Variants in IGFBPL1 observed in about 807,000 individuals in gnomAD.
IGFBPL1 encodes the protein insulin like growth factor binding protein like 1, also known as insulin-like growth factor-binding protein-like 1.
Under a neutral mutation model 23.9 loss-of-function variants are expected in IGFBPL1, and 20 were observed. The ratio of observed to expected loss-of-function variants is 0.84; its 90% CI spans 0.59 to 1.22. IGFBPL1 has a LOEUF of 1.22. IGFBPL1 is among the 50% of genes most tolerant of loss of function. The pLI, the probability that IGFBPL1 is intolerant of heterozygous loss-of-function variation, is 0.00. For synonymous variants in IGFBPL1, 184 were observed against 171.8 expected, an observed-to-expected ratio of 1.07 and a Z score of -0.56; for missense variants, 436 against 379.3, an observed-to-expected ratio of 1.15 and a Z score of -1.24.
rs185417506 is a variant in IGFBPL1 at position 38,411,461 on chromosome 9, G to A, written c.776C>T (p.Thr259Met). The A allele has an allele frequency of 2.4e-5, 39 of 1,614,034 alleles. No homozygotes were observed. The East Asian group carries it at 6.5e-4, about 27-fold the overall frequency. ...VGEAESHSTV[T>M]VLDLSKYRSF... The stretch of plus-strand genomic sequence containing the variant: ...CCTGTATTTACTCAGATCTAGAACC[G>A]TCACTGTGCTGTGGGACTCAGCCTC... Residue 259 changes from threonine (T) to methionine (M), a missense_variant, in exon 4 of 5, where the codon ACG becomes ATG. Coordinates refer to ENST00000377694, the MANE Select transcript of IGFBPL1 (RefSeq NM_001007563.3).
intron 1 of IGFBPL1, among the ~76,000 whole-genome samples, chr9:38,420,492 C>A (rs1273760537): frequency 1.3e-5 from 2 of 152,222 alleles, no homozygotes; most frequent in Admixed American, 6.5e-5. Context: ...GTGCACAGCA[C>A]CTTACTGATC....
chr9:38,411,488 C>T lies in IGFBPL1; in HGVS notation c.749G>A (p.Gly250Glu), dbSNP rs1384507876. Residue 250 changes from glycine (G) to glutamate (E), a missense_variant, in exon 4 of 5, where the codon GGA (glycine) becomes GAA (glutamate). By Grantham distance (98) the Gly-to-Glu change is moderately conservative. Transcript: ENST00000377694. Reference protein sequence around the residue: ...VYQCHAANMVGEAESHSTVTV... With the variant: ...VYQCHAANMVEEAESHSTVTV... ...CACTGTGCTGTGGGACTCAGCCTCT[C>T]CCACCATGTTGGCTGCATGGCACTG... 6.2e-6 allele frequency: 10 copies of T among 1,613,802 alleles called. No individual in the cohort carries two copies. Among genetic ancestry groups the T allele is most frequent in the African/African-American group, 1.3e-5 (1 of 74,900 alleles).
chr9:38,414,064 C>CACACAA, intron 2 of IGFBPL1, 30 bp downstream of exon 2: 1 of 1,249,302 alleles, frequency 8.0e-7, no homozygotes, highest in Non-Finnish European at 1.2e-6. Context: ...CACACACACA[C>CACACAA]GAGATGCATG....
chr9:38,416,198 C>T lies in IGFBPL1; in HGVS notation c.461-1995G>A, dbSNP rs60438348. The stretch of plus-strand genomic sequence containing the variant: ...TCGCTGTGGTGACAGTCAGAAAGAC[C>T]TGGATACCAAGGGGACTCTCAATCA... On this transcript the variant is annotated intron_variant, in intron 1 of 4. Transcript: ENST00000377694. 9.0e-3 allele frequency among the ~76,000 whole-genome samples: 1,371 copies of T among 152,304 alleles called. 23 individuals are homozygous for T. Among genetic ancestry groups the T allele is most frequent in the African/African-American group, 0.032 (1,315 of 41,564 alleles).
chr9:38,423,924 T>C, intron 1 of IGFBPL1, 41 bp downstream of exon 1: 5 of 1,325,664 alleles, frequency 3.8e-6, no homozygotes, highest in Non-Finnish European at 4.8e-6. Flanking sequence ...AGGGTTGGAA[T>C]CCCTCCTTCT....
At chr9:38,412,190 A>C (rs140878390) in intron 3 of IGFBPL1, among the ~76,000 whole-genome samples, 1 of 152,302 alleles carries the variant, frequency 6.6e-6, no homozygotes, top group East Asian at 1.9e-4. Flanking sequence ...GCTTCCATCA[A>C]TTACAAATCA....
At position 38,424,380 on chromosome 9, in the gene IGFBPL1, CAGCAGCAGA is replaced by C. The variant is rs1482714960; in HGVS notation, c.36_44del (p.Leu14_Leu16del). ...GGGACAGCGGCGGCAGCAGCGGCAGCAGCAGCAGAAGCAGCAGCGGCAAGAGCAGAGACA... is the reference window on the plus strand; with the variant it reads ...GGGACAGCGGCGGCAGCAGCGGCAGCAGCAGCAGCGGCAAGAGCAGAGACA... On this transcript the variant is annotated inframe_deletion, in exon 1 of 5. Coordinates refer to ENST00000377694, the MANE Select transcript of IGFBPL1 (RefSeq NM_001007563.3). 1 of 680,450 alleles carries C rather than the reference CAGCAGCAGA, an allele frequency of 1.5e-6. No individual in the cohort carries two copies. Among genetic ancestry groups the C allele is most frequent in the Admixed American group, 2.6e-5 (1 of 38,112 alleles). 42.2% of individuals were successfully genotyped at this position (680,450 alleles called of 1,614,324 possible).
chr9:38,410,309 C>T (rs577852976), intron 4 of IGFBPL1, among the ~76,000 whole-genome samples: 52 of 151,730 alleles, frequency 3.4e-4, no homozygotes, highest in South Asian at 1.0e-3. Flanking sequence ...GGTGAAACCC[C>T]GTCTCTACTA....
chr9:38,410,123 T>C (rs1309883628), intron 4 of IGFBPL1, among the ~76,000 whole-genome samples: 1 of 152,190 alleles, frequency 6.6e-6, no homozygotes, highest in Non-Finnish European at 1.5e-5. Flanking sequence ...TTTCCTGTTC[T>C]ATTAAGCACC....
intron 1 of IGFBPL1, 118 bp downstream of exon 1, chr9:38,423,847 G>C: frequency 1.0e-6 from 1 of 1,003,038 alleles, no homozygotes; most frequent in Non-Finnish European, 1.3e-6. Context: ...TGCTCCCTAA[G>C]GGGAAACTGA....
rs961005905 is a variant in IGFBPL1, at chr9:38,408,059, T to C, written c.*1168A>G. Among the ~76,000 whole-genome samples, 1 of 151,990 alleles carries C rather than the reference T, an allele frequency of 6.6e-6. No homozygotes were observed. Among genetic ancestry groups the C allele is most frequent in the Non-Finnish European group, 1.5e-5 (1 of 67,974 alleles). ...CAGTCTGGAGATAACACCTGACCCC[T>C]TTTTTTACAATTTGATCGTCAGAAG... On this transcript the variant is annotated 3_prime_UTR_variant, in exon 5 of 5. Coordinates refer to ENST00000377694, the MANE Select transcript of IGFBPL1 (RefSeq NM_001007563.3).
chr9:38,411,828 T>C (rs956891830), intron 3 of IGFBPL1, among the ~76,000 whole-genome samples: 2 of 152,108 alleles, frequency 1.3e-5, no homozygotes, highest in African/African-American at 4.8e-5. Flanking sequence ...GTATTAAAGG[T>C]GCAAGGTATA....
chr9:38,406,802 T>G lies in IGFBPL1; in HGVS notation c.*2425A>C, dbSNP rs1006170419. On this transcript the variant is annotated 3_prime_UTR_variant, in exon 5 of 5. Transcript: ENST00000377694. The stretch of plus-strand genomic sequence containing the variant: ...ACAGTGTGACATTAATTATTTGTCT[T>G]TGCACAGAATGATGATGCTAAAGCC... 1.5e-5 allele frequency among the ~76,000 whole-genome samples: 2 copies of G among 137,582 alleles called. No individual in the cohort carries two copies. Among genetic ancestry groups the G allele is most frequent in the African/African-American group, 5.4e-5 (2 of 37,276 alleles). The allele number at this position is 137,582 out of a possible 152,430, so 90.3% of individuals were successfully genotyped here. A position where few individuals can be genotyped will look rare whatever the true frequency, so the allele number is the denominator to read the frequency against.
chr9:38,415,661 T>C (rs1821590789), intron 1 of IGFBPL1, among the ~76,000 whole-genome samples: 1 of 152,222 alleles, frequency 6.6e-6, no homozygotes, highest in Non-Finnish European at 1.5e-5. Flanking sequence ...TCCATTTGCA[T>C]GCCTTCAGGG....
rs1363988720 is a variant in IGFBPL1 at position 38,408,648 on chromosome 9, A to G, written c.*579T>C. Among the ~76,000 whole-genome samples the G allele has an allele frequency of 6.6e-6, 1 of 152,200 alleles. No individual in the cohort carries two copies. The stretch of plus-strand genomic sequence containing the variant: ...GAGGGAATACCATTTTAGAAAGAAC[A>G]CTAAGACCACACTTCCTGTTATTTT... On this transcript the variant is annotated 3_prime_UTR_variant, in exon 5 of 5. Transcript: ENST00000377694.
chr9:38,413,269 G>C lies in IGFBPL1; in HGVS notation c.655C>G (p.Pro219Ala), dbSNP rs1821541705. 5 of 1,613,602 alleles carry C rather than the reference G, an allele frequency of 3.1e-6. No homozygotes were observed. Among genetic ancestry groups the C allele is most frequent in the Non-Finnish European group, 4.2e-6 (5 of 1,179,722 alleles). Reference protein sequence around the residue: ...VNIAVQVRGGPSDHEATAWIL... With the variant: ...VNIAVQVRGGASDHEATAWIL... ...CAGGCCGTGGCCTCATGGTCAGAAG[G>C]GCCCCCTCGCACTTGGACAGCTATA... Residue 219 changes from proline to alanine, a missense_variant, in exon 3 of 5, where the codon CCT (proline) becomes GCT (alanine). By Grantham distance (27) the Pro-to-Ala change is conservative (BLOSUM62 -1). Coordinates refer to ENST00000377694, the MANE Select transcript of IGFBPL1 (RefSeq NM_001007563.3).
chr9:38,421,284 CAAAA>C (rs35342818), intron 1 of IGFBPL1, among the ~76,000 whole-genome samples: 5 of 91,544 alleles, frequency 5.5e-5, no homozygotes, highest in African/African-American at 1.3e-4. Context: ...GACCCTGTCT[CAAAA>C]AAAAAAAAAA....
At position 38,424,366 on chromosome 9, in the gene IGFBPL1, GGCAGCAGCGGCA is replaced by G. The variant is rs1479205993; in HGVS notation, c.47_58del (p.Leu16_Leu19del). On this transcript the variant is annotated inframe_deletion, in exon 1 of 5. Transcript: ENST00000377694. ...GATCCCAAGGCTCGGGGACAGCGGC[GGCAGCAGCGGCA>G]GCAGCAGCAGAAGCAGCAGCGGCAA... 8 of 683,606 alleles carry G rather than the reference GGCAGCAGCGGCA, an allele frequency of 1.2e-5. No individual in the cohort carries two copies. Among genetic ancestry groups the G allele is most frequent in the African/African-American group, 3.8e-5 (2 of 53,212 alleles). The allele number at this position is 683,606 out of a possible 1,614,324, so 42.3% of individuals were successfully genotyped here. A position where few individuals can be genotyped will look rare whatever the true frequency, so the allele number is the denominator to read the frequency against.
chr9:38,412,783 C>G (rs117709740), intron 3 of IGFBPL1, among the ~76,000 whole-genome samples: 3,063 of 152,272 alleles, frequency 0.02, 32 homozygotes, highest in Non-Finnish European at 0.031. Flanking sequence ...GTGGCCCTTT[C>G]CAACATCATC....
Sources: gnomAD v4.1 joint callset for allele counts (sites outside exome capture counted in the v4.1 genomes callset) on GRCh38, gnomAD v4.1.1 for gene constraint, MANE v1.5 for transcripts, NCBI Gene and HGNC (gene_info 2026-07-23, HGNC 2026-07-21) for gene names.